The following NRXN1 variants were observed in gnomAD, a reference collection of about 807,000 sequenced individuals.
The protein encoded by NRXN1 is neurexin 1.
NRXN1 carries 39 observed loss-of-function variants against 150.9 expected under a neutral mutation model. The ratio of observed to expected loss-of-function variants is 0.26; its 90% CI spans 0.20 to 0.34. The LOEUF (loss-of-function observed/expected upper bound fraction) is 0.34, where lower values mean the gene tolerates loss of function less well. NRXN1 is among the 10% of genes least tolerant of loss of function. The pLI is 1.00. For missense variants in NRXN1, 1,815 were observed against 1,949.9 expected (o/e 0.93, Z 1.30); for synonymous variants, 924 against 757.0 (o/e 1.22, Z -3.62).
chr2:51,006,904 C>T (rs1700797226), intron 2 of NRXN1, among the ~76,000 whole-genome samples: 1 of 151,936 alleles, frequency 6.6e-6, no homozygotes, highest in Admixed American at 6.6e-5. Flanking sequence ...ATCTGAGTTG[C>T]TTGTGCCCTA....
chr2:50,746,751 T>G (rs572911250), intron 5 of NRXN1, among the ~76,000 whole-genome samples: 1 of 152,136 alleles, frequency 6.6e-6, no homozygotes, highest in South Asian at 2.1e-4. Context: ...CTCTTAAGGC[T>G]CATAGTTCTG....
Position 50,465,328 on chromosome 2 carries a change from T to C in NRXN1, c.3364+114A>G, listed in dbSNP as rs1423480394. ...TAGAAACAACTGCTTCTATGGGTTA[T>C]GACAGTTCGACTGACTCAGAGTTAA... On this transcript the variant is annotated intron_variant, in intron 17 of 22. Transcript: ENST00000401669. 4.8e-6 allele frequency: 5 copies of C among 1,050,562 alleles called. 1 individual carries two copies. The highest frequency in any genetic ancestry group is 6.6e-6 in the Non-Finnish European group (5 of 762,314). The allele number at this position is 1,050,562 out of a possible 1,614,324, so 65.1% of individuals were successfully genotyped here. A position where few individuals can be genotyped will look rare whatever the true frequency, so the allele number is the denominator to read the frequency against.
intron 5 of NRXN1, among the ~76,000 whole-genome samples, chr2:50,681,142 G>A (rs1322711649): frequency 6.6e-6 from 1 of 152,174 alleles, no homozygotes; most frequent in South Asian, 2.1e-4. Context: ...TTAAGGTGGG[G>A]CAGATAATGC....
Position 50,587,413 on chromosome 2 carries a change from A to T in NRXN1, c.1320+32609T>A, listed in dbSNP as rs114787362. Among the ~76,000 whole-genome samples the T allele has an allele frequency of 1.6e-3, 237 of 152,372 alleles. 1 individual carries two copies. Among genetic ancestry groups the T allele is most frequent in the African/African-American group, 5.6e-3 (232 of 41,588 alleles). On this transcript the variant is annotated intron_variant, in intron 8 of 22. Coordinates refer to ENST00000401669, the MANE Select transcript of NRXN1 (RefSeq NM_001330078.2). ...GGAGGGAGGCTCACTTGAGCCCAGG[A>T]TGGGGAGGTTGCAGTGAGCCATGTT...
chr2:50,204,361 TGTG>T (rs747402409), intron 18 of NRXN1, among the ~76,000 whole-genome samples: 40,415 of 151,580 alleles, frequency 0.27, 5,956 homozygotes, highest in East Asian at 0.4. Flanking sequence ...TGTGTGTGTG[TGTG>T]TGTGTGTGTA....
intron 18 of NRXN1, among the ~76,000 whole-genome samples, chr2:50,224,604 A>G (rs1009100079): frequency 2.0e-5 from 3 of 151,726 alleles, no homozygotes; most frequent in Admixed American, 6.6e-5. Context: ...TTACAACTCA[A>G]CAAATGGAGA....
intron 21 of NRXN1, among the ~76,000 whole-genome samples, chr2:49,957,709 T>C (rs1277093586): frequency 6.6e-6 from 1 of 152,198 alleles, no homozygotes; most frequent in Non-Finnish European, 1.5e-5. Context: ...CTTTGAATTA[T>C]GTGCTCCAGT....
chr2:50,919,234 A>C (rs1433734154), intron 5 of NRXN1: 2 of 151,752 alleles, frequency 1.3e-5, no homozygotes, highest in African/African-American at 4.8e-5. Flanking sequence ...CCAAACCCTG[A>C]GTTGTTATGG....
At chr2:50,869,038 T>C (rs1315621733) in intron 5 of NRXN1, among the ~76,000 whole-genome samples, 3 of 151,834 alleles carry the variant, frequency 2.0e-5, no homozygotes. Flanking sequence ...AATGCCTTCA[T>C]GTTCATAGTC....
At chr2:50,227,976 A>G (rs2064560334) in intron 18 of NRXN1, among the ~76,000 whole-genome samples, 1 of 152,046 alleles carries the variant, frequency 6.6e-6, no homozygotes, top group Non-Finnish European at 1.5e-5. Flanking sequence ...ATCTACTTTT[A>G]CAACTGTAGA....
intron 18 of NRXN1, among the ~76,000 whole-genome samples, chr2:50,230,592 G>A (rs574629512): frequency 6.6e-6 from 1 of 152,112 alleles, no homozygotes; most frequent in Admixed American, 6.6e-5. Flanking sequence ...GCCTCTAAGT[G>A]GTAAGTATGT....
chr2:50,193,909 C>T (rs975214366), intron 18 of NRXN1, among the ~76,000 whole-genome samples: 23 of 152,136 alleles, frequency 1.5e-4, no homozygotes, highest in African/African-American at 5.5e-4. Context: ...GTGAATCCTA[C>T]ACTGTTGATA....
intron 8 of NRXN1, among the ~76,000 whole-genome samples, chr2:50,579,906 T>C (rs965307172): frequency 1.3e-5 from 2 of 152,164 alleles, no homozygotes; most frequent in East Asian, 3.9e-4. Context: ...AAAGTTATCA[T>C]GAAAGGGTTA....
chr2:50,075,073 G>A (rs978855721), intron 19 of NRXN1, among the ~76,000 whole-genome samples: 4 of 152,184 alleles, frequency 2.6e-5, no homozygotes, highest in Non-Finnish European at 5.9e-5. Context: ...TCAGGAAAAT[G>A]TATATCAGGA....
chr2:50,914,877 T>C (rs986996343), intron 5 of NRXN1, among the ~76,000 whole-genome samples: 2 of 151,690 alleles, frequency 1.3e-5, no homozygotes, highest in Non-Finnish European at 3.0e-5. Flanking sequence ...ATTGAGTATC[T>C]ATTTGTGCCA....
In NRXN1 at chr2:50,371,281, A is replaced by T. The variant is rs115241705; in HGVS notation, c.3364+94161T>A. On this transcript the variant is annotated intron_variant, in intron 17 of 22. Transcript: ENST00000401669. ...CCAAAAGTCAAAGGTGGAAATTGAG[A>T]CTTAAGAACATGTTGCTTACACCCA... Among the ~76,000 whole-genome samples, 1,374 of 152,096 alleles carry T rather than the reference A, an allele frequency of 9.0e-3. 12 individuals are homozygous for T. Among genetic ancestry groups the T allele is most frequent in the Non-Finnish European group, 0.014 (978 of 67,942 alleles).
At chr2:50,404,251 G>A (rs1259102708) in intron 17 of NRXN1, among the ~76,000 whole-genome samples, 1 of 151,994 alleles carries the variant, frequency 6.6e-6, no homozygotes, top group African/African-American at 2.4e-5. Flanking sequence ...TTTAATGCCA[G>A]TGCTTCACCC....
chr2:50,879,445 T>C (rs1317209071), intron 5 of NRXN1, among the ~76,000 whole-genome samples: 1 of 151,952 alleles, frequency 6.6e-6, no homozygotes, highest in Non-Finnish European at 1.5e-5. Flanking sequence ...ATTTCAGGAG[T>C]TATGAATAAA....
intron 18 of NRXN1, among the ~76,000 whole-genome samples, chr2:50,224,341 C>A (rs1574590526): frequency 6.6e-6 from 1 of 151,910 alleles, no homozygotes; most frequent in East Asian, 1.9e-4. Flanking sequence ...ATTGGTAAAA[C>A]TGAGATAAAA....
Sources: allele counts gnomAD v4.1 joint callset (sites outside exome capture counted in the v4.1 genomes callset), GRCh38; gene constraint gnomAD v4.1.1; transcripts MANE v1.5; gene names NCBI Gene and HGNC (gene_info 2026-07-23, HGNC 2026-07-21).